The following CCDC102B variants were observed in gnomAD, a reference collection of about 807,000 sequenced individuals.
CCDC102B encodes the protein coiled-coil domain-containing protein 102B.
In CCDC102B, 75 loss-of-function variants were observed where a neutral mutation model predicts 57.4. The ratio of observed to expected loss-of-function variants is 1.31; its 90% CI spans 1.08 to 1.58. The LOEUF (loss-of-function observed/expected upper bound fraction) is 1.58, where lower values mean the gene tolerates loss of function less well. Among genes scored for constraint, CCDC102B ranks in the 40% most tolerant of loss-of-function variants. The pLI, the probability that CCDC102B is intolerant of heterozygous loss-of-function variation, is 0.00. For synonymous variants in CCDC102B, 206 were observed against 201.9 expected (o/e 1.02, Z -0.17); for missense variants, 636 against 582.6 (o/e 1.09, Z -0.94).
intron 7 of CCDC102B, among the ~76,000 whole-genome samples, chr18:69,022,218 T>TAA (rs2051858289): frequency 1.8e-5 from 1 of 54,834 alleles, no homozygotes; most frequent in African/African-American, 5.8e-5. Flanking sequence ...TATATATATA[T>TAA]ATATAACACA....
At chr18:68,879,575 G>A (rs189890942) in intron 5 of CCDC102B, among the ~76,000 whole-genome samples, 154 of 151,596 alleles carry the variant, frequency 1.0e-3, no homozygotes, top group African/African-American at 3.6e-3. Flanking sequence ...CAAAGGTTCT[G>A]CAAGGCCCCA....
intron 5 of CCDC102B, among the ~76,000 whole-genome samples, chr18:68,877,386 G>A (rs376568308): frequency 1.3e-5 from 2 of 152,266 alleles, no homozygotes; most frequent in Admixed American, 1.3e-4. Context: ...CAAGCTACTT[G>A]CGATCTTTAA....
At chr18:68,886,072 G>T (rs540000102) in intron 5 of CCDC102B, among the ~76,000 whole-genome samples, 4 of 151,786 alleles carry the variant, frequency 2.6e-5, no homozygotes, top group African/African-American at 9.7e-5. Flanking sequence ...TATTTACAAT[G>T]TTAAGATGGA....
chr18:68,997,789 A>T (rs1354813230), intron 6 of CCDC102B, among the ~76,000 whole-genome samples: 1 of 151,900 alleles, frequency 6.6e-6, no homozygotes, highest in Non-Finnish European at 1.5e-5. Context: ...TTATGTTCTC[A>T]CCGTTTCCTA....
chr18:68,969,950 G>A (rs2050260635), intron 6 of CCDC102B, among the ~76,000 whole-genome samples: 1 of 151,842 alleles, frequency 6.6e-6, no homozygotes, highest in Admixed American at 6.6e-5. Context: ...GATTTATTCT[G>A]GTAAGAGAAA....
intron 6 of CCDC102B, among the ~76,000 whole-genome samples, chr18:68,974,211 A>T (rs185366271): frequency 1.6e-4 from 24 of 152,084 alleles, no homozygotes; most frequent in Non-Finnish European, 2.8e-4. Flanking sequence ...TCGTGAATGG[A>T]TTAATGCCAC....
chr18:68,790,652 C>T (rs966056267), intron 2 of CCDC102B, among the ~76,000 whole-genome samples: 5 of 152,218 alleles, frequency 3.3e-5, no homozygotes, highest in African/African-American at 1.2e-4. Flanking sequence ...ACCCCTTGCG[C>T]TTCCCAAGTG....
chr18:68,815,677 T>TACACACACACACACACAC (rs10592850), intron 1 of CCDC102B, among the ~76,000 whole-genome samples: 161 of 149,276 alleles, frequency 1.1e-3, no homozygotes, highest in East Asian at 2.8e-3. Flanking sequence ...TCCATTTACA[T>TACACACACACACACACAC]ACACACACAC....
chr18:68,990,103 C>A (rs1301262063), intron 6 of CCDC102B, among the ~76,000 whole-genome samples: 21 of 152,204 alleles, frequency 1.4e-4, no homozygotes, highest in Non-Finnish European at 1.5e-5. Flanking sequence ...GAAGCACCAT[C>A]TCTTTGCTCC....
At chr18:68,814,838 T>C (rs2036413504) in intron 1 of CCDC102B, among the ~76,000 whole-genome samples, 1 of 152,020 alleles carries the variant, frequency 6.6e-6, no homozygotes, top group African/African-American at 2.4e-5. Flanking sequence ...AAATCTCCAA[T>C]ATGTTTATAT....
chr18:68,915,071 C>A (rs2041019971), intron 6 of CCDC102B, among the ~76,000 whole-genome samples: 1 of 151,930 alleles, frequency 6.6e-6, no homozygotes, highest in Non-Finnish European at 1.5e-5. Flanking sequence ...TATTGGTAAT[C>A]TTAAGTGATG....
intron 6 of CCDC102B, among the ~76,000 whole-genome samples, chr18:68,934,417 G>A (rs12458514): frequency 0.27 from 41,348 of 151,694 alleles, 7,133 homozygotes; most frequent in East Asian, 0.64. Flanking sequence ...TGTAGCATGT[G>A]TGTTTTCTTT....
chr18:68,799,494 C>A (rs1029866015), intron 1 of CCDC102B, among the ~76,000 whole-genome samples: 1 of 152,106 alleles, frequency 6.6e-6, no homozygotes, highest in African/African-American at 2.4e-5. Context: ...AGTTACAAAA[C>A]AATGGCTGTA....
intron 2 of CCDC102B, among the ~76,000 whole-genome samples, chr18:68,784,933 C>T (rs2035141887): frequency 2.6e-5 from 4 of 151,208 alleles, no homozygotes; most frequent in Non-Finnish European, 1.5e-5. Context: ...CCCACCAACT[C>T]GTCATTTAGC....
intron 6 of CCDC102B, among the ~76,000 whole-genome samples, chr18:68,986,720 A>C (rs961689252): frequency 6.6e-5 from 10 of 152,090 alleles, no homozygotes; most frequent in Non-Finnish European, 1.3e-4. Context: ...ACAAAAAAAA[A>C]ACTTCAAGTT....
intron 5 of CCDC102B, 96 bp downstream of exon 5, chr18:68,874,881 G>A: frequency 1.3e-6 from 1 of 742,794 alleles, no homozygotes; most frequent in Non-Finnish European, 2.3e-6. Flanking sequence ...TCGTGCCTTT[G>A]GTTACTTTAT....
intron 7 of CCDC102B, among the ~76,000 whole-genome samples, chr18:69,015,855 A>T (rs1000640412): frequency 6.6e-5 from 10 of 151,634 alleles, no homozygotes; most frequent in African/African-American, 1.4e-4. Flanking sequence ...ACATTTTTTT[A>T]TTTTTATTTT....
intron 6 of CCDC102B, among the ~76,000 whole-genome samples, chr18:69,001,137 A>T (rs996745704): frequency 6.6e-6 from 1 of 152,148 alleles, no homozygotes; most frequent in Admixed American, 6.5e-5. Context: ...GCCCAGAGAG[A>T]CTTCCTCTCA....
intron 7 of CCDC102B, among the ~76,000 whole-genome samples, chr18:69,030,939 C>T (rs2052124326): frequency 6.6e-6 from 1 of 152,188 alleles, no homozygotes; most frequent in East Asian, 1.9e-4. Flanking sequence ...AAGTGTGAGT[C>T]ACCATGTCCT....
Sources: allele counts gnomAD v4.1 joint callset (sites outside exome capture counted in the v4.1 genomes callset), GRCh38; gene constraint gnomAD v4.1.1; transcripts MANE v1.5; gene names NCBI Gene and HGNC (gene_info 2026-07-23, HGNC 2026-07-21).